The following EPM2A variants were observed in gnomAD, a reference collection of about 807,000 sequenced individuals.
The protein encoded by EPM2A is laforin.
In EPM2A, 21 loss-of-function variants were observed where a neutral mutation model predicts 26.5. That is an observed-to-expected ratio of 0.79 (90% CI 0.56 to 1.14). The LOEUF is 1.14. Ranked by LOEUF, EPM2A falls within the 50% of genes most tolerant of loss-of-function variation. The probability of loss-of-function intolerance (pLI) is 0.00; values close to 1 mark genes in which losing one functional copy is unlikely to be tolerated. For missense variants in EPM2A, 458 were observed against 440.8 expected (o/e 1.04, Z -0.35); for synonymous variants, 217 against 177.6 (o/e 1.22, Z -1.76).
rs535244576 is a variant in EPM2A, at chr6:145,404,096, A to AT, written c.556-20000dup. ...AAGTGCCTATTCAAATCTTTTGCCC[A>AT]TTTTTTTTATCAGATTATTAAACCT... is the stretch of plus-strand genomic sequence containing the variant. On this transcript the variant is annotated intron_variant, in intron 4 of 4. Coordinates refer to the EPM2A transcript ENST00000638717. Among the ~76,000 whole-genome samples the AT allele has an allele frequency of 8.2e-4, 124 of 151,860 alleles. No individual in the cohort carries two copies. The South Asian group carries it at 9.2e-3, about 11-fold the overall frequency.
At chr6:145,710,150 C>T (rs1319938272) in intron 1 of EPM2A, among the ~76,000 whole-genome samples, 2 of 151,954 alleles carry the variant, frequency 1.3e-5, no homozygotes, top group African/African-American at 2.4e-5. Context: ...TTCTGCACAG[C>T]AAAAGAAACT....
intron 2 of EPM2A, among the ~76,000 whole-genome samples, chr6:145,562,307 C>T (rs1351331260): frequency 6.6e-6 from 1 of 151,602 alleles, no homozygotes; most frequent in Non-Finnish European, 1.5e-5. Flanking sequence ...TTTAAAATGT[C>T]CTTCTGGAAA....
chr6:145,529,100 G>C (rs1019477533), intron 2 of EPM2A, among the ~76,000 whole-genome samples: 2 of 149,274 alleles, frequency 1.3e-5, no homozygotes, highest in Non-Finnish European at 3.0e-5. Context: ...AGCAAATGAG[G>C]AGTTGCTTTT....
At chr6:145,452,326 T>C (rs1227884931) in intron 4 of EPM2A, among the ~76,000 whole-genome samples, 2 of 152,056 alleles carry the variant, frequency 1.3e-5, no homozygotes, top group Non-Finnish European at 2.9e-5. Context: ...TTTTCAGTTC[T>C]GTATTTTTAC....
At chr6:145,730,199 A>G (rs958234115) in intron 1 of EPM2A, among the ~76,000 whole-genome samples, 53 of 152,226 alleles carry the variant, frequency 3.5e-4, no homozygotes, top group African/African-American at 1.3e-3. Flanking sequence ...ACTTCTTTAT[A>G]GCAATGCAAG....
intron 4 of EPM2A, among the ~76,000 whole-genome samples, chr6:145,426,631 C>T (rs1778857928): frequency 6.6e-6 from 1 of 152,124 alleles, no homozygotes; most frequent in Non-Finnish European, 1.5e-5. Flanking sequence ...GTTTTCTTTG[C>T]AATTACACTG....
intron 4 of EPM2A, among the ~76,000 whole-genome samples, chr6:145,417,216 GC>G (rs1422021683): frequency 8.5e-5 from 13 of 152,194 alleles, no homozygotes. Flanking sequence ...CTCCTACTTA[GC>G]TTTCCTAGCC....
In EPM2A at chr6:145,627,620, C is replaced by T. The variant is rs771072125; in HGVS notation, c.792G>A (p.Val264=). Residue 264 remains valine, a synonymous_variant, in exon 4 of 4, where the codon GTG becomes GTA. Coordinates refer to ENST00000367519, the MANE Select transcript of EPM2A (RefSeq NM_005670.4). The part of the protein sequence containing the change: ...ALLEKGHIVY[V]HCNAGVGRST... ...AGCGGCCCACCCCAGCGTTGCAGTG[C>T]ACGTACACGATGTGTCCCTTCTCCA... is the stretch of plus-strand genomic sequence containing the variant. 6.8e-6 allele frequency: 11 copies of T among 1,614,080 alleles called. No homozygotes were observed. The South Asian group carries it at 1.1e-4, about 16-fold the overall frequency.
chr6:145,624,874 G>A (rs1327184750), downstream of EPM2A, among the ~76,000 whole-genome samples: 1 of 152,122 alleles, frequency 6.6e-6, no homozygotes, highest in Non-Finnish European at 1.5e-5. Flanking sequence ...AGTGTTTTGT[G>A]TTGTGTTTTA....
At chr6:145,415,557 T>C (rs976005566) in intron 4 of EPM2A, among the ~76,000 whole-genome samples, 1 of 152,216 alleles carries the variant, frequency 6.6e-6, no homozygotes, top group Non-Finnish European at 1.5e-5. Context: ...GAGTGAAGAA[T>C]CAGGTTCTTA....
intron 2 of EPM2A, among the ~76,000 whole-genome samples, chr6:145,579,913 T>C (rs1781089829): frequency 6.6e-6 from 1 of 152,196 alleles, no homozygotes; most frequent in African/African-American, 2.4e-5. Flanking sequence ...TAACAGTCTA[T>C]ATTCAAGTGA....
intron 2 of EPM2A, among the ~76,000 whole-genome samples, chr6:145,677,396 C>G (rs1780138073): frequency 6.6e-6 from 1 of 152,156 alleles, no homozygotes; most frequent in African/African-American, 2.4e-5. Context: ...CCTCTCTCAC[C>G]ACTCCTATTC....
intron 4 of EPM2A, among the ~76,000 whole-genome samples, chr6:145,463,621 T>C (rs1269793410): frequency 1.3e-5 from 2 of 152,116 alleles, no homozygotes; most frequent in African/African-American, 4.8e-5. Flanking sequence ...GGTATATATA[T>C]AAATCTATGT....
At chr6:145,486,078 T>C (rs9403708) in intron 4 of EPM2A, among the ~76,000 whole-genome samples, 12,690 of 152,186 alleles carry the variant, frequency 0.083, 744 homozygotes, top group East Asian at 0.27. Flanking sequence ...TGCTGTGAGC[T>C]GTGGGTTGGC....
At chr6:145,671,537 T>C (rs937906196) in intron 2 of EPM2A, 2 of 259,946 alleles carry the variant, frequency 7.7e-6, no homozygotes, top group African/African-American at 4.6e-5. Flanking sequence ...TCCAGAACTA[T>C]ACTTTTAATA....
chr6:145,703,610 A>C (rs1020246234), intron 1 of EPM2A, among the ~76,000 whole-genome samples: 2 of 152,228 alleles, frequency 1.3e-5, no homozygotes, highest in African/African-American at 2.4e-5. Flanking sequence ...TTGCACTGAT[A>C]GTCTCTTTAC....
At chr6:145,669,659 G>C (rs991235509) in intron 2 of EPM2A, among the ~76,000 whole-genome samples, 1 of 152,136 alleles carries the variant, frequency 6.6e-6, no homozygotes, top group African/African-American at 2.4e-5. Context: ...ATGTTACTTA[G>C]ATTTCTTTCT....
In EPM2A at chr6:145,538,745, C is replaced by G. The variant is rs560681768; in HGVS notation, c.341-36170G>C. On this transcript the variant is annotated intron_variant, in intron 2 of 3. Transcript: ENST00000450221. ...TGCTAAGATTTAGTTTACAATTGACCCTAGGTTTAGCCAGTGAATGGTAGC... is the reference window on the plus strand; with the variant it reads ...TGCTAAGATTTAGTTTACAATTGACGCTAGGTTTAGCCAGTGAATGGTAGC... 3.3e-5 allele frequency among the ~76,000 whole-genome samples: 5 copies of G among 152,116 alleles called. No homozygotes were observed. In the East Asian group the frequency reaches 9.6e-4, roughly 29 times the overall value.
At chr6:145,714,141 A>G (rs933988111) in intron 1 of EPM2A, among the ~76,000 whole-genome samples, 2 of 152,226 alleles carry the variant, frequency 1.3e-5, no homozygotes, top group East Asian at 3.8e-4. Flanking sequence ...CAAAAATGTC[A>G]TAAGTGTTGA....
Sources: allele counts gnomAD v4.1 joint callset (sites outside exome capture counted in the v4.1 genomes callset), GRCh38; gene constraint gnomAD v4.1.1; transcripts MANE v1.5; gene names NCBI Gene and HGNC (gene_info 2026-07-23, HGNC 2026-07-21).